Variants in IFI16 observed in about 807,000 individuals in gnomAD.
IFI16 encodes the protein gamma-interferon-inducible protein 16.
A neutral mutation model predicts 68.4 loss-of-function variants in IFI16; 49 were observed. That is an observed-to-expected ratio of 0.72 (90% CI 0.57 to 0.91). The LOEUF is 0.91. IFI16 is among the 40% of genes least tolerant of loss of function. The pLI is 0.00. For synonymous variants in IFI16, 307 were observed against 315.0 expected (o/e 0.97, Z 0.27); for missense variants, 878 against 942.9 (o/e 0.93, Z 0.90).
At chr1:159,050,576 A>G (rs72709549) in intron 9 of IFI16, among the ~76,000 whole-genome samples, 5,840 of 152,216 alleles carry the variant, frequency 0.038, 123 homozygotes, top group Non-Finnish European at 0.046. Context: ...TCCAGGTCAG[A>G]TCACATTGCT....
At chr1:159,048,990 G>A (rs397833068) in intron 8 of IFI16, among the ~76,000 whole-genome samples, 11 of 151,020 alleles carry the variant, frequency 7.3e-5, no homozygotes, top group East Asian at 3.9e-4. Context: ...ATCCCTAAAG[G>A]ATGGAGATCT....
chr1:159,015,728 GCAGTAGAGC>G, intron 2 of IFI16, 135 bp from the exon 3 acceptor site: 1 of 626,576 alleles, frequency 1.6e-6, no homozygotes, highest in Non-Finnish European at 2.9e-6. Context: ...CTGGGCTAAT[GCAGTAGAGC>G]TAGACTAAAG....
At chr1:159,047,020 A>G (rs982402305) in intron 8 of IFI16, among the ~76,000 whole-genome samples, 9 of 151,144 alleles carry the variant, frequency 6.0e-5, no homozygotes, top group South Asian at 2.1e-4. Flanking sequence ...ATACCTCTGT[A>G]TGACCTACAA....
At chr1:159,008,265 GTA>G (rs1247384973), upstream of IFI16, among the ~76,000 whole-genome samples, 2 of 152,026 alleles carry the variant, frequency 1.3e-5, no homozygotes, top group Non-Finnish European at 2.9e-5. Flanking sequence ...TTATATATAT[GTA>G]TATATATTCG....
rs566637686 is a variant in IFI16 at position 159,016,785 on chromosome 1, C to T, written c.549+85C>T. 524 of 1,210,462 alleles carry T rather than the reference C, an allele frequency of 4.3e-4. 4 individuals carry two copies. The African/African-American group carries it at 7.0e-3, about 16-fold the overall frequency. 75.0% of individuals were successfully genotyped at this position (1,210,462 alleles called of 1,614,324 possible). A position where few individuals can be genotyped will look rare whatever the true frequency, so the allele number is the denominator to read the frequency against. ...TTCACCGGTTACTTAAAAATTGCATCGATAATTTGCTAGTTAATCCAATGT... is the reference window on the plus strand; with the variant it reads ...TTCACCGGTTACTTAAAAATTGCATTGATAATTTGCTAGTTAATCCAATGT... On this transcript the variant is annotated intron_variant, in intron 4 of 11. Coordinates refer to ENST00000295809, the MANE Select transcript of IFI16 (RefSeq NM_001376587.1).
chr1:159,037,034 C>T (rs754298526), intron 7 of IFI16, among the ~76,000 whole-genome samples: 11 of 152,166 alleles, frequency 7.2e-5, no homozygotes, highest in Non-Finnish European at 1.5e-4. Flanking sequence ...TGCCATCTTG[C>T]TTCAGGTGGA....
At chr1:159,001,109 A>T (rs1432509717), upstream of IFI16, among the ~76,000 whole-genome samples, 1 of 152,232 alleles carries the variant, frequency 6.6e-6, no homozygotes. Context: ...CTGAAAGAAA[A>T]CATAGGCAAT....
chr1:159,045,348 C>A lies in IFI16; in HGVS notation c.1381C>A (p.Leu461Met). 2 of 1,538,510 alleles carry A rather than the reference C, an allele frequency of 1.3e-6. No individual in the cohort carries two copies. Among genetic ancestry groups the A allele is most frequent in the Non-Finnish European group, 1.8e-6 (2 of 1,117,414 alleles). Residue 461 changes from leucine (L) to methionine (M), a missense_variant, in exon 8 of 12, where the codon CTG becomes ATG. Coordinates refer to ENST00000295809, the MANE Select transcript of IFI16 (RefSeq NM_001376587.1). ...KMNDFMRMQI[L>M]KEGSHFPGPF... The stretch of plus-strand genomic sequence containing the variant: ...GAATGACTTCATGAGGATGCAGATA[C>A]TGAAGGAAGGGAGTCATTTTCCAGG...
At chr1:159,030,870 G>C (rs1653955117) in intron 6 of IFI16, among the ~76,000 whole-genome samples, 1 of 18,944 alleles carries the variant, frequency 5.3e-5, no homozygotes. Flanking sequence ...TTTCTCAGGT[G>C]GTGGGTGGGG....
At chr1:159,037,486 G>A (rs1654397426) in intron 7 of IFI16, among the ~76,000 whole-genome samples, 1 of 152,136 alleles carries the variant, frequency 6.6e-6, no homozygotes, top group Non-Finnish European at 1.5e-5. Flanking sequence ...GAAGACAGAA[G>A]CATGACTTTA....
intron 7 of IFI16, among the ~76,000 whole-genome samples, chr1:159,034,363 T>C (rs1654189266): frequency 6.6e-6 from 1 of 152,218 alleles, no homozygotes; most frequent in Admixed American, 6.5e-5. Flanking sequence ...TATGCGTTCA[T>C]GAAGTGCTTC....
Position 159,037,461 on chromosome 1 carries a change from G to T in IFI16, c.1329+4770G>T, listed in dbSNP as rs186060201. Among the ~76,000 whole-genome samples the T allele has an allele frequency of 3.9e-5, 6 of 152,210 alleles. No individual in the cohort carries two copies. The East Asian group carries it at 1.2e-3, about 29-fold the overall frequency. On this transcript the variant is annotated intron_variant, in intron 7 of 11. Coordinates refer to ENST00000295809, the MANE Select transcript of IFI16 (RefSeq NM_001376587.1). ...ATGATATGCGTTCATTGTGCTTTTG[G>T]ATTCAAAACCTGAAGAAGACAGAAG...
At chr1:159,004,057 C>T (rs554204295), upstream of IFI16, among the ~76,000 whole-genome samples, 93 of 152,320 alleles carry the variant, frequency 6.1e-4, no homozygotes, top group African/African-American at 2.1e-3. Context: ...AGTTTCTTTC[C>T]TTGAACCAAA....
intron 7 of IFI16, among the ~76,000 whole-genome samples, chr1:159,037,506 T>C (rs1325691305): frequency 1.3e-5 from 2 of 152,192 alleles, no homozygotes; most frequent in Admixed American, 6.5e-5. Context: ...AAGTCACGAC[T>C]CCTCTAAAGC....
Position 159,016,419 on chromosome 1 carries a change from A to C in IFI16, c.382-114A>C, listed in dbSNP as rs1389779350. ...GGCGAGAGATGGGCAGCAACCTCTC[A>C]AGTTTCCAAGAAACATCTTCTTAGG... On this transcript the variant is annotated intron_variant, in intron 3 of 11. Coordinates refer to ENST00000295809, the MANE Select transcript of IFI16 (RefSeq NM_001376587.1). 3.1e-6 allele frequency: 3 copies of C among 973,376 alleles called. No individual in the cohort carries two copies. In the East Asian group the frequency reaches 7.9e-5, roughly 26 times the overall value. 60.3% of individuals were successfully genotyped at this position (973,376 alleles called of 1,614,324 possible).
intron 6 of IFI16, among the ~76,000 whole-genome samples, chr1:159,024,648 G>C (rs1433144178): frequency 2.6e-5 from 4 of 152,290 alleles, no homozygotes; most frequent in Middle Eastern, 6.8e-3. Flanking sequence ...GTGTCAATTA[G>C]AGGGCCGGGA....
At chr1:159,011,087 A>G (rs1190510791) in intron 1 of IFI16, among the ~76,000 whole-genome samples, 2 of 152,114 alleles carry the variant, frequency 1.3e-5, no homozygotes, top group Non-Finnish European at 2.9e-5. Context: ...CCTATTATAA[A>G]GTTTGCTTTT....
At chr1:159,053,275 G>A (rs750265423) in intron 10 of IFI16, 2 of 306,264 alleles carry the variant, frequency 6.5e-6, no homozygotes, top group Non-Finnish European at 1.2e-5. Context: ...GAAACAGGAA[G>A]AATTAGGAAA....
rs557975472 is a variant in IFI16, at chr1:159,028,316, A to G, written c.1162-4208A>G. Among the ~76,000 whole-genome samples the G allele has an allele frequency of 9.2e-5, 14 of 152,170 alleles. No individual in the cohort carries two copies. The South Asian group carries it at 1.7e-3, about 18-fold the overall frequency. ...GGTTATTTAATTTCCATGTATTTGC[A>G]TGGTTTTAAGGTTGCTTACAGTTGA... On this transcript the variant is annotated intron_variant, in intron 6 of 11. Transcript: ENST00000295809.
Sources: allele counts gnomAD v4.1 joint callset (sites outside exome capture counted in the v4.1 genomes callset), GRCh38; gene constraint gnomAD v4.1.1; transcripts MANE v1.5; gene names NCBI Gene and HGNC (gene_info 2026-07-23, HGNC 2026-07-21).